Variants in CRHR1 observed in about 807,000 individuals in gnomAD.
The protein encoded by CRHR1 is corticotropin releasing hormone receptor 1, also known as corticotropin-releasing hormone receptor 1.
A neutral mutation model predicts 56.0 loss-of-function variants in CRHR1; 28 were observed. The observed-to-expected ratio is 0.50, with a 90% CI of 0.37 to 0.69. The LOEUF (loss-of-function observed/expected upper bound fraction) is 0.69, where lower values mean the gene tolerates loss of function less well. Ranked by LOEUF, CRHR1 falls within the 30% of genes least tolerant of loss-of-function variation. The probability of loss-of-function intolerance (pLI) is 0.00; values close to 1 mark genes in which losing one functional copy is unlikely to be tolerated. For missense variants in CRHR1, 376 were observed against 548.0 expected, an observed-to-expected ratio of 0.69 and a Z score of 3.13; for synonymous variants, 195 against 216.5, an observed-to-expected ratio of 0.90 and a Z score of 0.87.
chr17:45,794,907 G>A (rs1214063375), intron 1 of CRHR1, among the ~76,000 whole-genome samples: 2 of 152,256 alleles, frequency 1.3e-5, no homozygotes, highest in East Asian at 3.8e-4. Context: ...AGAGGCTCTG[G>A]TGGAGCCTCA....
Position 45,835,547 on chromosome 17 carries a change from G to A in CRHR1, c.*783G>A, listed in dbSNP as rs2062419808. 6.6e-6 allele frequency: 1 copy of A among 152,574 alleles called. No individual in the cohort carries two copies. Among genetic ancestry groups the A allele is most frequent in the Non-Finnish European group, 1.5e-5 (1 of 68,296 alleles). The allele number at this position is 152,574 out of a possible 1,614,324, so 9.5% of individuals were successfully genotyped here. A position where few individuals can be genotyped will look rare whatever the true frequency, so the allele number is the denominator to read the frequency against. On this transcript the variant is annotated 3_prime_UTR_variant, in exon 13 of 13. Transcript: ENST00000314537. ...AGAGTGGCCTGTGAGCAAGAGCCAGGGGTGTCCCAGTCCCAGCCTCTGGGG... is the reference window on the plus strand; with the variant it reads ...AGAGTGGCCTGTGAGCAAGAGCCAGAGGTGTCCCAGTCCCAGCCTCTGGGG...
At chr17:45,788,182 C>G (rs995410584) in intron 1 of CRHR1, among the ~76,000 whole-genome samples, 2 of 152,182 alleles carry the variant, frequency 1.3e-5, no homozygotes, top group African/African-American at 4.8e-5. Context: ...AGTTAGGTGC[C>G]GGGCTGATAA....
At chr17:45,801,353 T>A (rs2061618208) in intron 1 of CRHR1, among the ~76,000 whole-genome samples, 2 of 152,240 alleles carry the variant, frequency 1.3e-5, no homozygotes. Context: ...AACAGTTATG[T>A]GACATTGGGT....
chr17:45,797,063 TACACTC>T (rs2061531056), intron 1 of CRHR1, among the ~76,000 whole-genome samples: 1 of 152,212 alleles, frequency 6.6e-6, no homozygotes, highest in Non-Finnish European at 1.5e-5. Context: ...GACCTGGATG[TACACTC>T]CATTCCTGTA....
intron 2 of CRHR1, among the ~76,000 whole-genome samples, chr17:45,812,261 T>C (rs1420410052): frequency 6.6e-6 from 1 of 152,232 alleles, no homozygotes; most frequent in Non-Finnish European, 1.5e-5. Context: ...CCTATGGATA[T>C]GGAGAAACAA....
intron 3 of CRHR1, 106 bp from the exon 4 acceptor site, chr17:45,821,249 C>A: frequency 2.0e-6 from 2 of 977,732 alleles, no homozygotes; most frequent in Non-Finnish European, 3.3e-6. Context: ...CCAGCAGGTG[C>A]CTGTACTGGC....
chr17:45,834,552 C>T (rs1598455895), intron 12 of CRHR1, 72 bp from the exon 13 acceptor site: 26 of 1,524,608 alleles, frequency 1.7e-5, no homozygotes, highest in Middle Eastern at 4.3e-4. Flanking sequence ...CACAGCTGCT[C>T]GTGGCGGCCC....
chr17:45,802,316 C>T (rs923138452), intron 1 of CRHR1, among the ~76,000 whole-genome samples: 3 of 152,142 alleles, frequency 2.0e-5, no homozygotes, highest in African/African-American at 7.2e-5. Flanking sequence ...CAGAGCAAGA[C>T]TGTCTCAAAA....
intron 2 of CRHR1, among the ~76,000 whole-genome samples, chr17:45,807,694 C>T (rs1034587157): frequency 1.3e-5 from 2 of 152,342 alleles, no homozygotes; most frequent in African/African-American, 4.8e-5. Flanking sequence ...TGGTCTCCAG[C>T]GCCGTGCTCT....
chr17:45,792,343 T>C (rs1444879513), intron 1 of CRHR1, among the ~76,000 whole-genome samples: 5 of 152,224 alleles, frequency 3.3e-5, no homozygotes, highest in Admixed American at 2.6e-4. Flanking sequence ...GGTACACTGT[T>C]TACTGGCCAG....
intron 1 of CRHR1, among the ~76,000 whole-genome samples, chr17:45,803,915 G>C (rs1186812302): frequency 2.0e-5 from 3 of 152,202 alleles, no homozygotes; most frequent in African/African-American, 7.2e-5. Context: ...CCCCTCTCCG[G>C]GGACAGAGCC....
At position 45,784,606 on chromosome 17, in the gene CRHR1, G is replaced by A; in HGVS notation, c.33+29G>A. 2.0e-6 allele frequency: 3 copies of A among 1,537,714 alleles called. No homozygotes were observed. The highest frequency in any genetic ancestry group is 2.0e-5 in the Admixed American group (1 of 50,802). On this transcript the variant is annotated intron_variant, in intron 1 of 12. Transcript: ENST00000314537. This position sits in a 1 kb window ranked among gnomAD's most constrained non-coding sequence, Gnocchi z 4.2. ...ACAGCCCGCCGGCCATCCCTCGAGCGCTGGCGCCCCCGGCCCCTGGCGGAC... is the reference window on the plus strand; with the variant it reads ...ACAGCCCGCCGGCCATCCCTCGAGCACTGGCGCCCCCGGCCCCTGGCGGAC...
At chr17:45,798,111 C>T (rs181994741) in intron 1 of CRHR1, among the ~76,000 whole-genome samples, 22 of 152,068 alleles carry the variant, frequency 1.4e-4, no homozygotes, top group African/African-American at 4.6e-4. Flanking sequence ...ATCATGAGAC[C>T]CCATGGTCAG....
At chr17:45,830,010 A>C in intron 5 of CRHR1, 84 bp from the exon 6 acceptor site, 1 of 1,586,732 alleles carries the variant, frequency 6.3e-7, no homozygotes, top group Non-Finnish European at 8.6e-7. Context: ...TCATCTACAC[A>C]TCTGGGCTGG....
rs2143244168 is a variant in CRHR1, at chr17:45,830,944, A to G, written c.770+4A>G. The G allele has an allele frequency of 1.9e-6, 3 of 1,613,728 alleles. No homozygotes were observed. The highest frequency in any genetic ancestry group is 2.5e-6 in the Non-Finnish European group (3 of 1,179,776). On this transcript the variant is annotated splice_donor_region_variant and intron_variant, in intron 8 of 12. Transcript: ENST00000314537. ...AGCTGTACTACGACAATGAGAAGTA[A>G]GTCATCTCCTTTCCCTTCCTGACCC...
chr17:45,816,294 C>T (rs2061925238), intron 2 of CRHR1, among the ~76,000 whole-genome samples, 169 bp from the exon 3 acceptor site: 1 of 152,220 alleles, frequency 6.6e-6, no homozygotes. Context: ...CTTGTGTCTT[C>T]TTTGCATAGG....
chr17:45,835,028 G>A lies in CRHR1; in HGVS notation c.*264G>A. The A allele has an allele frequency of 1.9e-6, 1 of 529,812 alleles. No individual in the cohort carries two copies. Among genetic ancestry groups the A allele is most frequent in the Non-Finnish European group, 3.4e-6 (1 of 297,690 alleles). 32.8% of individuals were successfully genotyped at this position (529,812 alleles called of 1,614,324 possible). A position where few individuals can be genotyped will look rare whatever the true frequency, so the allele number is the denominator to read the frequency against. On this transcript the variant is annotated 3_prime_UTR_variant, in exon 13 of 13. Transcript: ENST00000314537. ...CAATCCTCCCTGGAGAAGGGACATG[G>A]GAATGAATTGAAATGGGGCGCTGGA...
chr17:45,808,734 G>A (rs779021532), intron 2 of CRHR1, among the ~76,000 whole-genome samples: 3 of 152,256 alleles, frequency 2.0e-5, no homozygotes, highest in South Asian at 2.1e-4. Context: ...GTGCAGCCTC[G>A]ATCTTCTGAT....
intron 1 of CRHR1, among the ~76,000 whole-genome samples, chr17:45,795,511 C>T (rs145011563): frequency 0.011 from 1,648 of 152,272 alleles, 11 homozygotes; most frequent in Non-Finnish European, 0.016. Context: ...AAATGCCAGT[C>T]GCACCTCCCC....
Sources: gnomAD v4.1 joint callset for allele counts (sites outside exome capture counted in the v4.1 genomes callset) on GRCh38, gnomAD v4.1.1 for gene constraint, Gnocchi (gnomAD v3.1) non-coding constraint, MANE v1.5 for transcripts, NCBI Gene and HGNC (gene_info 2026-07-23, HGNC 2026-07-21) for gene names.